The following UROS variants were observed in gnomAD, a reference collection of about 807,000 sequenced individuals.
UROS encodes the protein uroporphyrinogen-III synthase.
A neutral mutation model predicts 33.0 loss-of-function variants in UROS; 18 were observed. The ratio of observed to expected loss-of-function variants is 0.55; its 90% CI spans 0.38 to 0.81. The LOEUF is 0.81. Among genes scored for constraint, UROS ranks in the 30% least tolerant of loss-of-function variants. UROS has a pLI of 0.00. For missense variants in UROS, 293 were observed against 314.9 expected (o/e 0.93, Z 0.53); for synonymous variants, 114 against 121.1 (o/e 0.94, Z 0.38).
chr10:125,788,551 T>A (rs1850699146), downstream of UROS: 1 of 1,266,788 alleles, frequency 7.9e-7, no homozygotes, highest in Non-Finnish European at 1.0e-6. Context: ...AGCTTTGCAC[T>A]TAAAATGACA....
At chr10:125,821,342 G>C (rs1436220207) in intron 1 of UROS, among the ~76,000 whole-genome samples, 1 of 152,194 alleles carries the variant, frequency 6.6e-6, no homozygotes, top group Non-Finnish European at 1.5e-5. Flanking sequence ...GCTACAGCAT[G>C]GGATAAACTT....
intron 6 of UROS, among the ~76,000 whole-genome samples, chr10:125,803,936 A>C (rs1437458310): frequency 6.6e-6 from 1 of 151,972 alleles, no homozygotes; most frequent in Non-Finnish European, 1.5e-5. Context: ...TTTCCTGAAG[A>C]CCTCTGCCTT....
At chr10:125,797,607 G>A (rs1393610154) in intron 7 of UROS, among the ~76,000 whole-genome samples, 1 of 152,244 alleles carries the variant, frequency 6.6e-6, no homozygotes, top group Non-Finnish European at 1.5e-5. Flanking sequence ...CTGGTTTCTA[G>A]GTGCTGACAG....
chr10:125,801,094 C>T (rs939490205), intron 6 of UROS, among the ~76,000 whole-genome samples: 11 of 152,196 alleles, frequency 7.2e-5, no homozygotes, highest in African/African-American at 9.7e-5. Flanking sequence ...TTCCCCCTCT[C>T]GGGCACTGCC....
chr10:125,804,136 C>G (rs1038790805), intron 6 of UROS, among the ~76,000 whole-genome samples: 1 of 152,118 alleles, frequency 6.6e-6, no homozygotes, highest in African/African-American at 2.4e-5. Context: ...GGTGGTGGCC[C>G]CTAGAAAGCT....
chr10:125,798,817 C>T (rs1273026175), intron 6 of UROS, among the ~76,000 whole-genome samples: 1 of 152,214 alleles, frequency 6.6e-6, no homozygotes, highest in Non-Finnish European at 1.5e-5. Context: ...ATTTTCAGCC[C>T]TTAACTCTTT....
intron 5 of UROS, among the ~76,000 whole-genome samples, chr10:125,811,305 T>C (rs1385533737): frequency 1.3e-5 from 2 of 152,242 alleles, no homozygotes; most frequent in Non-Finnish European, 2.9e-5. Flanking sequence ...AGAAACTGGC[T>C]ATTTTCTTTC....
intron 6 of UROS, among the ~76,000 whole-genome samples, chr10:125,801,779 G>C (rs1034661502): frequency 2.6e-4 from 39 of 152,178 alleles, no homozygotes; most frequent in Non-Finnish European, 1.0e-4. Context: ...ACCAAGCCTT[G>C]AGTCAGTTAA....
intron 6 of UROS, among the ~76,000 whole-genome samples, chr10:125,805,997 C>T (rs1198067246): frequency 2.6e-5 from 4 of 152,200 alleles, no homozygotes; most frequent in South Asian, 4.1e-4. Flanking sequence ...CCAACCCAGA[C>T]GACTCTGTCA....
At chr10:125,822,760 C>G (rs1364106480) in intron 1 of UROS, among the ~76,000 whole-genome samples, 1 of 152,170 alleles carries the variant, frequency 6.6e-6, no homozygotes, top group East Asian at 1.9e-4. Flanking sequence ...GCCCGGCCCC[C>G]CGCCGAAGCA....
chr10:125,788,943 G>A lies in UROS; in HGVS notation c.723C>T (p.Cys241=). 1 of 1,611,048 alleles carries A rather than the reference G, an allele frequency of 6.2e-7. No individual in the cohort carries two copies. ...ALAAQGLPVS[C]TAESPTPQAL... is the part of the protein sequence containing the mutation. ...CTTGTGGCGTGGGGCTCTCTGCAGTGCAGCTTACAGGAAGGCCCTGGGCGG... is the reference window on the plus strand; with the variant it reads ...CTTGTGGCGTGGGGCTCTCTGCAGTACAGCTTACAGGAAGGCCCTGGGCGG... Residue 241 remains cysteine (C), a synonymous_variant, in exon 10 of 10, where the codon TGC becomes TGT. Transcript: ENST00000368797.
At chr10:125,809,445 C>T (rs1278395822) in intron 5 of UROS, among the ~76,000 whole-genome samples, 9 of 152,130 alleles carry the variant, frequency 5.9e-5, no homozygotes, top group Non-Finnish European at 1.2e-4. Flanking sequence ...TATTATTGAA[C>T]CAAATAATGT....
At chr10:125,790,098 G>A (rs998985171) in intron 9 of UROS, among the ~76,000 whole-genome samples, 2 of 152,186 alleles carry the variant, frequency 1.3e-5, no homozygotes, top group Non-Finnish European at 2.9e-5. Context: ...CGGATGCTGC[G>A]GGACTGAGGC....
In UROS at chr10:125,798,138, G is replaced by A. The variant is rs1179799421; in HGVS notation, c.402C>T (p.Ser134=). ...KLAEYICSRE[S]SALPLLFPCG... ...AGGGAAATAGAAGAGGCAGTGCTGA[G>A]GACTCCCCTGTGAATAAATAACCAG... Residue 134 remains serine, a synonymous_variant, in exon 7 of 10, where the codon TCC becomes TCT. Transcript: ENST00000368797. 1 of 1,613,856 alleles carries A rather than the reference G, an allele frequency of 6.2e-7. No individual in the cohort carries two copies.
At chr10:125,816,019 C>T (rs1199070153) in intron 3 of UROS, among the ~76,000 whole-genome samples, 158 bp downstream of exon 3, 1 of 152,160 alleles carries the variant, frequency 6.6e-6, no homozygotes, top group East Asian at 1.9e-4. Context: ...GTCAGAACCT[C>T]CCAACAGCAG....
At chr10:125,796,950 AAAG>A in intron 7 of UROS, 2 of 727,138 alleles carry the variant, frequency 2.8e-6, no homozygotes, top group Non-Finnish European at 3.4e-6. Flanking sequence ...CCTGAAAACT[AAAG>A]AAATAAACTG....
At chr10:125,818,749 A>G (rs140853485) in intron 1 of UROS, among the ~76,000 whole-genome samples, 2 of 152,282 alleles carry the variant, frequency 1.3e-5, no homozygotes, top group African/African-American at 4.8e-5. Flanking sequence ...ATTCCTGTAC[A>G]TTGGAAAGGG....
rs17173752 is a variant in UROS, at chr10:125,796,152, A to G, written c.512T>C (p.Val171Ala). Residue 171 changes from valine (V) to alanine (A), a missense_variant, in exon 8 of 10, where the codon GTT becomes GCT. Val to Ala is a moderately conservative substitution (Grantham distance 64, BLOSUM62 0). Coordinates refer to ENST00000368797, the MANE Select transcript of UROS (RefSeq NM_000375.3). ...AMESITVYQT[V>A]AHPGIQGNLN... ...GTTCCCTTGGATTCCTGGGTGTGCA[A>G]CTGTCTGATACACAGTTATGCTTTC... 233 of 1,614,056 alleles carry G rather than the reference A, an allele frequency of 1.4e-4. 1 individual carries two copies. The highest frequency in any genetic ancestry group is 6.6e-4 in the Middle Eastern group (4 of 6,084).
intron 4 of UROS, among the ~76,000 whole-genome samples, chr10:125,813,979 A>C (rs1412011571): frequency 6.6e-6 from 1 of 152,212 alleles, no homozygotes; most frequent in Non-Finnish European, 1.5e-5. Flanking sequence ...TTTGGGACTC[A>C]GACTCTGCAG....
Sources: allele counts gnomAD v4.1 joint callset (sites outside exome capture counted in the v4.1 genomes callset), GRCh38; gene constraint gnomAD v4.1.1; transcripts MANE v1.5; gene names NCBI Gene and HGNC (gene_info 2026-07-23, HGNC 2026-07-21).